Variants in NDRG3 observed in about 807,000 individuals in gnomAD.
NDRG3 encodes the protein NDRG family member 3, also known as protein NDRG3.
Under a neutral mutation model 57.2 loss-of-function variants are expected in NDRG3, and 23 were observed. That is an observed-to-expected ratio of 0.40 (90% CI 0.29 to 0.57). The LOEUF is 0.57. Ranked by LOEUF, NDRG3 falls within the 20% of genes least tolerant of loss-of-function variation. NDRG3 has a pLI of 0.42. For synonymous variants in NDRG3, 132 were observed against 162.6 expected (o/e 0.81, Z 1.43); for missense variants, 384 against 457.3 (o/e 0.84, Z 1.46).
At chr20:36,741,851 A>G (rs1007004652) in intron 1 of NDRG3, among the ~76,000 whole-genome samples, 5 of 152,234 alleles carry the variant, frequency 3.3e-5, no homozygotes, top group Non-Finnish European at 5.9e-5. Flanking sequence ...GGTCGAGCCC[A>G]GGAATATGGG....
chr20:36,684,607 TG>T (rs1461518359), intron 5 of NDRG3, 132 bp from the exon 6 acceptor site: 4 of 742,716 alleles, frequency 5.4e-6, no homozygotes, highest in Non-Finnish European at 6.9e-6. Context: ...CCCAGCACTT[TG>T]GGACACCGAG....
chr20:36,683,669 TA>T (rs1027297153), intron 6 of NDRG3, among the ~76,000 whole-genome samples: 1 of 148,630 alleles, frequency 6.7e-6, no homozygotes, highest in Admixed American at 6.7e-5. Context: ...TATATACATA[TA>T]TATATACACA....
chr20:36,688,570 C>T (rs1981987557), intron 4 of NDRG3, 109 bp downstream of exon 4: 2 of 803,458 alleles, frequency 2.5e-6, no homozygotes, highest in African/African-American at 3.4e-5. Flanking sequence ...GGGAAAGTTA[C>T]CACAGAGAGG....
intron 3 of NDRG3, among the ~76,000 whole-genome samples, chr20:36,705,321 CAA>C (rs1174347133): frequency 4.0e-4 from 29 of 72,156 alleles, no homozygotes; most frequent in African/African-American, 4.4e-4. Context: ...GACTCTGTCT[CAA>C]AAAAAAAAAA....
chr20:36,701,951 C>A (rs539141713), intron 3 of NDRG3, among the ~76,000 whole-genome samples: 27 of 151,570 alleles, frequency 1.8e-4, no homozygotes, highest in African/African-American at 5.3e-4. Flanking sequence ...TTTTCTTGAG[C>A]CCTCTGACTT....
chr20:36,659,322 C>T (rs1329915862), intron 13 of NDRG3, among the ~76,000 whole-genome samples: 2 of 151,998 alleles, frequency 1.3e-5, no homozygotes, highest in African/African-American at 4.8e-5. Flanking sequence ...TTGACAGGGT[C>T]TCATTCTGTC....
rs773604561 is a variant in NDRG3 at position 36,659,601 on chromosome 20, ATTTG to A, written c.858+732_858+735del. Reference sequence around the variant, plus strand: ...TCAGGAAAAAAGCTTTATTTTATTTATTTGTTTATTTATTTTTGAGATGGAGTCT... The same window carrying A: ...TCAGGAAAAAAGCTTTATTTTATTTATTTATTTATTTTTGAGATGGAGTCT... On this transcript the variant is annotated intron_variant, in intron 13 of 15. Transcript: ENST00000349004. Among the ~76,000 whole-genome samples, 27 of 151,990 alleles carry A rather than the reference ATTTG, an allele frequency of 1.8e-4. No homozygotes were observed. The Middle Eastern group carries it at 0.01, about 58-fold the overall frequency.
chr20:36,707,713 G>A (rs1030745717), intron 2 of NDRG3, among the ~76,000 whole-genome samples: 2 of 152,040 alleles, frequency 1.3e-5, no homozygotes, highest in Non-Finnish European at 2.9e-5. Flanking sequence ...ATGACTGATT[G>A]AGGAAAAAAA....
At chr20:36,659,686 C>T (rs547292151) in intron 13 of NDRG3, among the ~76,000 whole-genome samples, 2 of 151,890 alleles carry the variant, frequency 1.3e-5, no homozygotes, top group Admixed American at 6.5e-5. Flanking sequence ...CTGCAACCTC[C>T]GCCTCCCAGG....
At chr20:36,695,974 T>C (rs1315425522) in intron 3 of NDRG3, among the ~76,000 whole-genome samples, 1 of 152,198 alleles carries the variant, frequency 6.6e-6, no homozygotes, top group Non-Finnish European at 1.5e-5. Context: ...GACACCCAGC[T>C]TTAAAATTTA....
chr20:36,692,277 G>A (rs1982326525), intron 3 of NDRG3, among the ~76,000 whole-genome samples: 1 of 152,172 alleles, frequency 6.6e-6, no homozygotes, highest in South Asian at 2.1e-4. Context: ...AGGCTGGAGT[G>A]CAGTGGCACG....
intron 2 of NDRG3, among the ~76,000 whole-genome samples, chr20:36,715,004 G>GTGTATA (rs1555804866): frequency 3.1e-5 from 1 of 32,486 alleles, no homozygotes; most frequent in Non-Finnish European, 6.0e-5. Context: ...GTGTGTGTGT[G>GTGTATA]TGTATATATA....
Position 36,682,463 on chromosome 20 carries a change from G to A in NDRG3, c.444+55C>T, listed in dbSNP as rs182964421. 4 of 1,419,250 alleles carry A rather than the reference G, an allele frequency of 2.8e-6. No individual in the cohort carries two copies. In the Admixed American group the frequency reaches 6.9e-5, roughly 24 times the overall value. 87.9% of individuals were successfully genotyped at this position (1,419,250 alleles called of 1,614,324 possible). ...CTGGTCATTTAACACAGCAGTAATA[G>A]CTGTGACCCAGGCACTGCCTCAAGG... On this transcript the variant is annotated intron_variant, in intron 7 of 15. Transcript: ENST00000349004.
intron 8 of NDRG3, among the ~76,000 whole-genome samples, chr20:36,674,505 CTTTAAGTCTT>C (rs1442143076): frequency 6.7e-6 from 1 of 148,794 alleles, no homozygotes; most frequent in Non-Finnish European, 1.5e-5. Flanking sequence ...GCCCAGCCCT[CTTTAAGTCTT>C]TTTAAGGATC....
intron 8 of NDRG3, among the ~76,000 whole-genome samples, chr20:36,678,492 C>T (rs1452104243): frequency 6.6e-6 from 1 of 152,086 alleles, no homozygotes. Context: ...ACCAGCCTGG[C>T]CAAGATGGTG....
At chr20:36,733,162 AAAAAAAAAAATATATATAT>A (rs1363089331) in intron 1 of NDRG3, among the ~76,000 whole-genome samples, 1 of 52,056 alleles carries the variant, frequency 1.9e-5, no homozygotes, top group Non-Finnish European at 3.7e-5. Flanking sequence ...AAAAAAAAAA[AAAAAAAAAAATATATATAT>A]ATATATATAT....
intron 3 of NDRG3, among the ~76,000 whole-genome samples, chr20:36,704,401 A>G (rs1216652759): frequency 6.6e-6 from 1 of 152,196 alleles, no homozygotes; most frequent in East Asian, 1.9e-4. Context: ...ACTTCGGAGG[A>G]GGTGCTGAAT....
At chr20:36,659,640 G>A (rs1281182559) in intron 13 of NDRG3, among the ~76,000 whole-genome samples, 3 of 151,626 alleles carry the variant, frequency 2.0e-5, no homozygotes, top group African/African-American at 4.8e-5. Context: ...TTGCTCTGTC[G>A]CCCAGGCTAG....
intron 15 of NDRG3, chr20:36,654,714 C>A: frequency 1.3e-6 from 1 of 770,516 alleles, no homozygotes; most frequent in South Asian, 1.4e-5. Flanking sequence ...GCTCTCACTG[C>A]ATAGGAAGAC....
Sources: allele counts gnomAD v4.1 joint callset (sites outside exome capture counted in the v4.1 genomes callset), GRCh38; gene constraint gnomAD v4.1.1; transcripts MANE v1.5; gene names NCBI Gene and HGNC (gene_info 2026-07-23, HGNC 2026-07-21).